Variants in C8orf34 observed in about 807,000 individuals in gnomAD.
C8orf34 encodes the protein chromosome 8 open reading frame 34, also known as uncharacterized protein C8orf34.
A neutral mutation model predicts 68.3 loss-of-function variants in C8orf34; 65 were observed. The ratio of observed to expected loss-of-function variants is 0.95; its 90% CI spans 0.78 to 1.17. The LOEUF is 1.17. Among genes scored for constraint, C8orf34 ranks in the 50% most tolerant of loss-of-function variants. The pLI, the probability that C8orf34 is intolerant of heterozygous loss-of-function variation, is 0.00. For missense variants in C8orf34, 664 were observed against 655.4 expected (o/e 1.01, Z -0.14); for synonymous variants, 244 against 241.2 (o/e 1.01, Z -0.11).
intron 1 of C8orf34, 126 bp from the exon 2 acceptor site, chr8:68,439,373 A>C (rs1810799849): frequency 2.7e-6 from 2 of 729,964 alleles, no homozygotes; most frequent in Non-Finnish European, 4.3e-6. Context: ...TGTTATAAGC[A>C]TGGAGTTAGT....
chr8:68,407,047 C>T lies in C8orf34; in HGVS notation c.328-32452C>T, dbSNP rs1809227999. On this transcript the variant is annotated intron_variant, in intron 1 of 13. Coordinates refer to ENST00000518698, the MANE Select transcript of C8orf34 (RefSeq NM_052958.4). ...CATACGATCTGCCTCAGCTTTGCAA[C>T]TATGGATCTACATAGAGGAATCATA... Among the ~76,000 whole-genome samples the T allele has an allele frequency of 3.9e-5, 6 of 152,146 alleles. No individual in the cohort carries two copies. The South Asian group carries it at 1.2e-3, about 32-fold the overall frequency.
intron 3 of C8orf34, among the ~76,000 whole-genome samples, chr8:68,462,966 A>C (rs1002138651): frequency 9.9e-5 from 15 of 152,146 alleles, no homozygotes; most frequent in Non-Finnish European, 2.2e-4. Context: ...GGAAATAGAG[A>C]CACAGAAAAC....
intron 8 of C8orf34, among the ~76,000 whole-genome samples, chr8:68,708,021 A>G (rs927580187): frequency 6.6e-6 from 1 of 152,142 alleles, no homozygotes; most frequent in African/African-American, 2.4e-5. Flanking sequence ...TCTTTTTCCC[A>G]AGAAAAAATT....
chr8:68,649,179 T>G lies in C8orf34; in HGVS notation c.1241+8668T>G, dbSNP rs77677202. Reference sequence around the variant, plus strand: ...TTTCATAAAGCTGACCTCCCAGGCCTAGAGGTGTAAAAGATTCCATTTGAG... The same window carrying G: ...TTTCATAAAGCTGACCTCCCAGGCCGAGAGGTGTAAAAGATTCCATTTGAG... On this transcript the variant is annotated intron_variant, in intron 8 of 13. Coordinates refer to ENST00000518698, the MANE Select transcript of C8orf34 (RefSeq NM_052958.4). Among the ~76,000 whole-genome samples, 128 of 152,320 alleles carry G rather than the reference T, an allele frequency of 8.4e-4. No homozygotes were observed. The East Asian group carries it at 0.023, about 28-fold the overall frequency.
chr8:68,376,527 A>C (rs74721523), intron 1 of C8orf34, among the ~76,000 whole-genome samples: 1 of 151,948 alleles, frequency 6.6e-6, no homozygotes, highest in Admixed American at 6.6e-5. Flanking sequence ...GACCCAGATA[A>C]TCCGAAACCT....
intron 10 of C8orf34, among the ~76,000 whole-genome samples, chr8:68,740,927 T>G (rs1460188671): frequency 6.6e-6 from 1 of 152,192 alleles, no homozygotes; most frequent in Non-Finnish European, 1.5e-5. Context: ...ATGTCCTTTG[T>G]GCAAACATGG....
At chr8:68,792,389 G>A (rs2953958) in intron 12 of C8orf34, 13,786 of 151,836 alleles carry the variant, frequency 0.091, 801 homozygotes, top group Non-Finnish European at 0.13. Context: ...TGGCTAACAC[G>A]GTGAAACGCC....
At chr8:68,773,510 C>T (rs1412987380) in intron 10 of C8orf34, among the ~76,000 whole-genome samples, 1 of 152,042 alleles carries the variant, frequency 6.6e-6, no homozygotes, top group Non-Finnish European at 1.5e-5. Flanking sequence ...AAGTGATTCT[C>T]CTGCCTCAGC....
At chr8:68,445,869 A>C (rs142814740) in intron 2 of C8orf34, among the ~76,000 whole-genome samples, 2,896 of 152,160 alleles carry the variant, frequency 0.019, 46 homozygotes, top group Middle Eastern at 0.034. Flanking sequence ...GGCTCACTGC[A>C]ACTTCTGCCT....
intron 4 of C8orf34, among the ~76,000 whole-genome samples, chr8:68,482,674 AT>A (rs1586231971): frequency 6.6e-6 from 1 of 152,176 alleles, no homozygotes; most frequent in Admixed American, 6.5e-5. Context: ...ATTACTCTTT[AT>A]ACTCAGTGGC....
intron 3 of C8orf34, among the ~76,000 whole-genome samples, chr8:68,452,822 T>C: frequency 6.6e-6 from 1 of 151,542 alleles, no homozygotes. Flanking sequence ...TTTGGTGTCA[T>C]ATCTAAGAAA....
intron 7 of C8orf34, among the ~76,000 whole-genome samples, chr8:68,600,109 C>T (rs753531442): frequency 1.3e-5 from 2 of 152,028 alleles, no homozygotes; most frequent in Non-Finnish European, 2.9e-5. Flanking sequence ...GAACTCCCAT[C>T]GTTATTGGTT....
chr8:68,351,180 C>T (rs76648781), intron 1 of C8orf34, among the ~76,000 whole-genome samples: 6,561 of 152,042 alleles, frequency 0.043, 451 homozygotes, highest in African/African-American at 0.15. Context: ...ACAACTTTTG[C>T]TTACCTGAAA....
intron 6 of C8orf34, among the ~76,000 whole-genome samples, chr8:68,531,599 C>T (rs1815248905): frequency 6.6e-6 from 1 of 152,086 alleles, no homozygotes; most frequent in Non-Finnish European, 1.5e-5. Flanking sequence ...ATTGGTGATG[C>T]TAAGTTTGAT....
At chr8:68,672,859 C>T (rs1820056994) in intron 8 of C8orf34, among the ~76,000 whole-genome samples, 1 of 152,140 alleles carries the variant, frequency 6.6e-6, no homozygotes, top group South Asian at 2.1e-4. Flanking sequence ...CTTGGAAAGA[C>T]ACCTCCCCTC....
chr8:68,623,891 T>C (rs1197516613), intron 7 of C8orf34, among the ~76,000 whole-genome samples: 17 of 152,084 alleles, frequency 1.1e-4, no homozygotes. Context: ...TGAATTTTGG[T>C]AGGGACAGAA....
chr8:68,623,827 C>T (rs891268285), intron 7 of C8orf34, among the ~76,000 whole-genome samples: 2 of 152,046 alleles, frequency 1.3e-5, no homozygotes, highest in African/African-American at 4.8e-5. Context: ...CCTAATTATT[C>T]CCAAAGGGCC....
chr8:68,742,091 C>T (rs115138883), intron 10 of C8orf34, among the ~76,000 whole-genome samples: 16 of 152,254 alleles, frequency 1.1e-4, no homozygotes, highest in South Asian at 4.1e-4. Flanking sequence ...TGAACTCCAG[C>T]GTGTCAGTGG....
At chr8:68,547,724 T>C (rs1370571515) in intron 7 of C8orf34, among the ~76,000 whole-genome samples, 1 of 151,714 alleles carries the variant, frequency 6.6e-6, no homozygotes, top group Non-Finnish European at 1.5e-5. Context: ...TATATGGAAA[T>C]AATGACCTTG....
Sources: allele counts gnomAD v4.1 joint callset (sites outside exome capture counted in the v4.1 genomes callset), GRCh38; gene constraint gnomAD v4.1.1; transcripts MANE v1.5; gene names NCBI Gene and HGNC (gene_info 2026-07-23, HGNC 2026-07-21).